MGAT1: variants seen among roughly 807,000 people sequenced by gnomAD.
MGAT1 encodes the protein alpha-1,3-mannosyl-glycoprotein 2-beta-N-acetylglucosaminyltransferase.
Under a neutral mutation model 31.7 loss-of-function variants are expected in MGAT1, and 14 were observed. That is an observed-to-expected ratio of 0.44 (90% CI 0.29 to 0.69). The LOEUF is 0.69. Among genes scored for constraint, MGAT1 ranks in the 30% least tolerant of loss-of-function variants. The probability of loss-of-function intolerance (pLI) is 0.12; values close to 1 mark genes in which losing one functional copy is unlikely to be tolerated. For synonymous variants in MGAT1, 338 were observed against 276.0 expected, an observed-to-expected ratio of 1.22 and a Z score of -2.23; for missense variants, 557 against 626.0, an observed-to-expected ratio of 0.89 and a Z score of 1.18.
In MGAT1 at chr5:180,790,998, GGA is replaced by G. The variant is rs909393837; in HGVS notation, c.*634_*635del. The G allele has an allele frequency of 6.5e-6, 1 of 152,890 alleles. No individual in the cohort carries two copies. The highest frequency in any genetic ancestry group is 2.4e-5 in the African/African-American group (1 of 41,576). The allele number at this position is 152,890 out of a possible 1,614,324, so 9.5% of individuals were successfully genotyped here. On this transcript the variant is annotated 3_prime_UTR_variant, in exon 2 of 2. Coordinates refer to ENST00000307826, the MANE Select transcript of MGAT1 (RefSeq NM_002406.4). ...CTCCTGACAGCTGGGCATGGGCTGA[GGA>G]GAGGTCTTGCTTGCCCCCTTCAACT... is the stretch of plus-strand genomic sequence containing the variant.
Position 180,792,369 on chromosome 5 carries a change from G to A in MGAT1, c.603C>T (p.Arg201=). 2 of 1,611,158 alleles carry A rather than the reference G, an allele frequency of 1.2e-6. No homozygotes were observed. Among genetic ancestry groups the A allele is most frequent in the Middle Eastern group, 3.3e-4 (2 of 6,056 alleles). ...WALGQVFRQF[R]FPAAVVVEDD... ...CCTCCACCACCACGGCCGCGGGGAAGCGAAACTGCCGGAAGACCTGGCCCA... is the reference window on the plus strand; with the variant it reads ...CCTCCACCACCACGGCCGCGGGGAAACGAAACTGCCGGAAGACCTGGCCCA... Residue 201 remains arginine (R), a synonymous_variant, in exon 2 of 2, where the codon CGC becomes CGT. Transcript: ENST00000307826.
Position 180,814,624 on chromosome 5 carries a change from T to C in MGAT1, c.-546+790A>G, listed in dbSNP as rs192220798. 7.1e-3 allele frequency among the ~76,000 whole-genome samples: 1,081 copies of C among 152,330 alleles called. 8 individuals carry two copies. Among genetic ancestry groups the C allele is most frequent in the African/African-American group, 0.022 (934 of 41,556 alleles). ...CACTCCATGTCAAAGATACTTAGTCTGTTTCTATTGCTTATGACAGAATAT... is the reference window on the plus strand; with the variant it reads ...CACTCCATGTCAAAGATACTTAGTCCGTTTCTATTGCTTATGACAGAATAT... On this transcript the variant is annotated intron_variant, in intron 1 of 2. Transcript: ENST00000333055.
rs1333153270 is a variant in MGAT1 at position 180,786,029 on chromosome 5, G to C, written c.*5605C>G. 1 of 152,296 alleles carries C rather than the reference G, an allele frequency of 6.6e-6. No individual in the cohort carries two copies. The highest frequency in any genetic ancestry group is 2.4e-5 in the African/African-American group (1 of 41,472). 9.4% of individuals were successfully genotyped at this position (152,296 alleles called of 1,614,324 possible). ...CCACTGCTTTTGTTCCATAAAGAAT[G>C]AGGCTTGCCCTCCCTTCCCCTCTCC... On this transcript the variant is annotated 3_prime_UTR_variant, in exon 2 of 2. Coordinates refer to ENST00000307826, the MANE Select transcript of MGAT1 (RefSeq NM_002406.4).
intron 1 of MGAT1, among the ~76,000 whole-genome samples, chr5:180,796,715 G>A (rs924975735): frequency 2.0e-5 from 3 of 151,994 alleles, no homozygotes; most frequent in African/African-American, 2.4e-5. Flanking sequence ...AGGCTCAAGC[G>A]ACTCTCTTGC....
rs1301327545 is a variant in MGAT1 at position 180,786,742 on chromosome 5, G to A, written c.*4892C>T. The A allele has an allele frequency of 6.6e-6, 1 of 152,328 alleles. No homozygotes were observed. Among genetic ancestry groups the A allele is most frequent in the African/African-American group, 2.4e-5 (1 of 41,458 alleles). The allele number at this position is 152,328 out of a possible 1,614,324, so 9.4% of individuals were successfully genotyped here. On this transcript the variant is annotated 3_prime_UTR_variant, in exon 2 of 2. Transcript: ENST00000307826. ...GAGACTGAGACCTGAGAAGGAGCCTGGGCCCTGACGGTGGAGGAACCCCCA... is the reference window on the plus strand; with the variant it reads ...GAGACTGAGACCTGAGAAGGAGCCTAGGCCCTGACGGTGGAGGAACCCCCA...
At chr5:180,813,314 T>C (rs1357472652) in intron 1 of MGAT1, among the ~76,000 whole-genome samples, 2 of 152,238 alleles carry the variant, frequency 1.3e-5, no homozygotes, top group East Asian at 3.8e-4. Flanking sequence ...TTGCTAGTAA[T>C]GTTGAACCTG....
At chr5:180,813,986 A>G (rs1028989269) in intron 1 of MGAT1, among the ~76,000 whole-genome samples, 4 of 152,180 alleles carry the variant, frequency 2.6e-5, no homozygotes, top group Non-Finnish European at 4.4e-5. Context: ...GTTCCAGTCA[A>G]TACAGCTGAT....
chr5:180,788,395 G>A lies in MGAT1; in HGVS notation c.*3239C>T, dbSNP rs1466125062. 1 of 152,836 alleles carries A rather than the reference G, an allele frequency of 6.5e-6. No homozygotes were observed. Among genetic ancestry groups the A allele is most frequent in the African/African-American group, 2.4e-5 (1 of 41,468 alleles). 9.5% of individuals were successfully genotyped at this position (152,836 alleles called of 1,614,324 possible). ...CCTCTTCCTCTCCACCCTCACAGGA[G>A]ACCGCCGGTGCCTGGCCTGAGAATC... is the stretch of plus-strand genomic sequence containing the variant. On this transcript the variant is annotated 3_prime_UTR_variant, in exon 2 of 2. Coordinates refer to ENST00000307826, the MANE Select transcript of MGAT1 (RefSeq NM_002406.4).
At position 180,787,911 on chromosome 5, in the gene MGAT1, G is replaced by A. The variant is rs1217028282; in HGVS notation, c.*3723C>T. 6.6e-6 allele frequency: 1 copy of A among 152,468 alleles called. No individual in the cohort carries two copies. The highest frequency in any genetic ancestry group is 2.4e-5 in the African/African-American group (1 of 41,464). The allele number at this position is 152,468 out of a possible 1,614,324, so 9.4% of individuals were successfully genotyped here. On this transcript the variant is annotated 3_prime_UTR_variant, in exon 2 of 2. Coordinates refer to ENST00000307826, the MANE Select transcript of MGAT1 (RefSeq NM_002406.4). ...GTAAGAGGATTGCAAAGGCCAAGAG[G>A]CTTGAGGAGGGAAGGCTGCCCGGAA...
chr5:180,815,259 G>A (rs1170168364), intron 1 of MGAT1, among the ~76,000 whole-genome samples: 2 of 151,962 alleles, frequency 1.3e-5, no homozygotes, highest in African/African-American at 4.8e-5. Flanking sequence ...CCTCTTAAAG[G>A]CCCCACCTCT....
chr5:180,811,951 G>C (rs543993108), intron 1 of MGAT1, among the ~76,000 whole-genome samples: 1 of 152,180 alleles, frequency 6.6e-6, no homozygotes, highest in East Asian at 1.9e-4. Context: ...TTCCTCCCAT[G>C]TCACCTCAGT....
At chr5:180,813,993 T>C (rs1420687190) in intron 1 of MGAT1, among the ~76,000 whole-genome samples, 3 of 152,224 alleles carry the variant, frequency 2.0e-5, no homozygotes, top group African/African-American at 7.2e-5. Context: ...TCAATACAGC[T>C]GATAGTAAAT....
chr5:180,799,420 GACT>G (rs1267196566), intron 1 of MGAT1, among the ~76,000 whole-genome samples: 5 of 152,112 alleles, frequency 3.3e-5, no homozygotes, highest in Admixed American at 3.3e-4. Flanking sequence ...CACTTCAGGT[GACT>G]CCTTCTGTAA....
chr5:180,804,917 A>G (rs756210246), upstream of MGAT1, among the ~76,000 whole-genome samples: 5 of 152,234 alleles, frequency 3.3e-5, no homozygotes, highest in Non-Finnish European at 5.9e-5. Flanking sequence ...CCCAAGGCTC[A>G]CAGGAAGATC....
intron 1 of MGAT1, among the ~76,000 whole-genome samples, chr5:180,800,778 AG>A (rs2113439834): frequency 6.6e-6 from 1 of 152,348 alleles, no homozygotes; most frequent in African/African-American, 2.4e-5. Context: ...TACATGTGGA[AG>A]GGGATACTTA....
chr5:180,791,349 A>C lies in MGAT1; in HGVS notation c.*285T>G, dbSNP rs557227304. The C allele has an allele frequency of 2.0e-6, 1 of 512,064 alleles. No individual in the cohort carries two copies. Among genetic ancestry groups the C allele is most frequent in the East Asian group, 3.3e-5 (1 of 30,046 alleles). The allele number at this position is 512,064 out of a possible 1,614,324, so 31.7% of individuals were successfully genotyped here. ...CACATGCTCCAGGAGAAAGCTCAGG[A>C]CGTGGACATTTCTGGCCCCAACAAG... is the stretch of plus-strand genomic sequence containing the variant. On this transcript the variant is annotated 3_prime_UTR_variant, in exon 2 of 2. Transcript: ENST00000307826.
At chr5:180,812,461 T>C (rs747087312) in intron 1 of MGAT1, among the ~76,000 whole-genome samples, 1 of 152,156 alleles carries the variant, frequency 6.6e-6, no homozygotes, top group Non-Finnish European at 1.5e-5. Context: ...GTTGTGTAAA[T>C]AAAAATTTGT....
At chr5:180,803,885 G>GGCT (rs1771432817), upstream of MGAT1, 1 of 152,382 alleles carries the variant, frequency 6.6e-6, no homozygotes, top group African/African-American at 2.4e-5. Flanking sequence ...CCCCAAGAAG[G>GGCT]GCTGCTGCCA....
In MGAT1 at chr5:180,790,932, G is replaced by C. The variant is rs1478456461; in HGVS notation, c.*702C>G. On this transcript the variant is annotated 3_prime_UTR_variant, in exon 2 of 2. Transcript: ENST00000307826. ...AGTCCCTCTCTGAGGTAAGGCAAGAGAGAGGTTGTCCCAGCACAAGGCCTT... is the reference window on the plus strand; with the variant it reads ...AGTCCCTCTCTGAGGTAAGGCAAGACAGAGGTTGTCCCAGCACAAGGCCTT... The C allele has an allele frequency of 6.6e-6, 1 of 152,372 alleles. No individual in the cohort carries two copies. The highest frequency in any genetic ancestry group is 1.5e-5 in the Non-Finnish European group (1 of 68,138). The allele number at this position is 152,372 out of a possible 1,614,324, so 9.4% of individuals were successfully genotyped here. A position where few individuals can be genotyped will look rare whatever the true frequency, so the allele number is the denominator to read the frequency against.
Sources: allele counts gnomAD v4.1 joint callset (sites outside exome capture counted in the v4.1 genomes callset), GRCh38; gene constraint gnomAD v4.1.1; transcripts MANE v1.5; gene names NCBI Gene and HGNC (gene_info 2026-07-23, HGNC 2026-07-21).